The following ZNF804A variants were observed in gnomAD, a reference collection of about 807,000 sequenced individuals.
The protein encoded by ZNF804A is zinc finger protein 804A.
Under a neutral mutation model 16.5 loss-of-function variants are expected in ZNF804A, and 2 were observed. The observed-to-expected ratio is 0.12, with a 90% CI of 0.05 to 0.38. The LOEUF (loss-of-function observed/expected upper bound fraction) is 0.38, where lower values mean the gene tolerates loss of function less well. Ranked by LOEUF, ZNF804A falls within the 10% of genes least tolerant of loss-of-function variation. The pLI is 0.99. For synonymous variants in ZNF804A, 534 were observed against 489.6 expected (o/e 1.09, Z -1.20); for missense variants, 1,473 against 1,390.7 (o/e 1.06, Z -0.94).
chr2:184,867,977 T>C (rs962034567), intron 2 of ZNF804A, among the ~76,000 whole-genome samples: 1 of 152,118 alleles, frequency 6.6e-6, no homozygotes, highest in African/African-American at 2.4e-5. Context: ...CATTTAGCCA[T>C]ATGGCTGTCT....
rs746908406 is a variant in ZNF804A at position 184,937,178 on chromosome 2, A to C, written c.1782A>C (p.Arg594Ser). 1.3e-6 allele frequency: 2 copies of C among 1,597,616 alleles called. No homozygotes were observed. The highest frequency in any genetic ancestry group is 8.5e-7 in the Non-Finnish European group (1 of 1,176,234). Reference sequence around the variant, plus strand: ...ATGAATACTGGTTCCATAAAAGTAGAAGAAAGAAAAAAAGAAAAAAGTTAT... The same window carrying C: ...ATGAATACTGGTTCCATAAAAGTAGCAGAAAGAAAAAAAGAAAAAAGTTAT... The part of the protein sequence containing the change: ...ETHEYWFHKS[R>S]RKKKRKKLCQ... The change falls in exon 4 of 4, where the codon AGA becomes AGC. Residue 594 changes from arginine (R) to serine (S), a missense_variant. Physicochemically the swap from Arg to Ser is moderately radical, Grantham distance 110 (BLOSUM62 -1). Coordinates refer to ENST00000302277, the MANE Select transcript of ZNF804A (RefSeq NM_194250.2).
chr2:184,880,338 A>G (rs1022712822), intron 2 of ZNF804A, among the ~76,000 whole-genome samples: 1 of 152,078 alleles, frequency 6.6e-6, no homozygotes, highest in Non-Finnish European at 1.5e-5. Context: ...AGCTTTTTTT[A>G]TTACAATAAA....
At chr2:184,867,418 G>C (rs995126200) in intron 2 of ZNF804A, among the ~76,000 whole-genome samples, 1 of 152,024 alleles carries the variant, frequency 6.6e-6, no homozygotes, top group Non-Finnish European at 1.5e-5. Context: ...TTTATTGTAA[G>C]AAAGAAAAAG....
intron 1 of ZNF804A, among the ~76,000 whole-genome samples, chr2:184,791,514 A>AT (rs1290964906): frequency 4.0e-5 from 6 of 151,764 alleles, no homozygotes; most frequent in Non-Finnish European, 5.9e-5. Context: ...TTTGTTTTTT[A>AT]TTTTTTTTAT....
intron 1 of ZNF804A, among the ~76,000 whole-genome samples, chr2:184,860,148 C>T (rs1408385643): frequency 6.6e-6 from 1 of 152,162 alleles, no homozygotes; most frequent in East Asian, 1.9e-4. Context: ...TGGGCCTTGG[C>T]CTTGGGTCCT....
intron 1 of ZNF804A, among the ~76,000 whole-genome samples, chr2:184,823,789 T>G (rs902950051): frequency 6.6e-6 from 1 of 152,130 alleles, no homozygotes; most frequent in Non-Finnish European, 1.5e-5. Context: ...AGAATTCCTC[T>G]TGTGAGATAA....
chr2:184,802,664 G>C (rs1192304167), intron 1 of ZNF804A, among the ~76,000 whole-genome samples: 1 of 152,186 alleles, frequency 6.6e-6, no homozygotes, highest in Non-Finnish European at 1.5e-5. Flanking sequence ...TCTCTGATGA[G>C]TGCAAGGGAA....
chr2:184,632,278 A>C (rs1162256740), intron 1 of ZNF804A, among the ~76,000 whole-genome samples: 2 of 152,168 alleles, frequency 1.3e-5, no homozygotes, highest in East Asian at 1.9e-4. Flanking sequence ...ATATTATTTT[A>C]TGTTTTCAAT....
chr2:184,627,785 A>T (rs1691529457), intron 1 of ZNF804A, among the ~76,000 whole-genome samples: 1 of 152,172 alleles, frequency 6.6e-6, no homozygotes. Context: ...GAAGCTCTTC[A>T]AGTTAATATC....
Position 184,651,917 on chromosome 2 carries a change from C to T in ZNF804A, c.111+52847C>T, listed in dbSNP as rs116251934. 1.7e-3 allele frequency among the ~76,000 whole-genome samples: 256 copies of T among 152,058 alleles called. 2 individuals carry two copies. Among genetic ancestry groups the T allele is most frequent in the African/African-American group, 5.6e-3 (233 of 41,500 alleles). ...CAGAAGTTATAACAGAGCTACGGTT[C>T]GACTCAGCAATCTCATTACTGGATG... On this transcript the variant is annotated intron_variant, in intron 1 of 3. Coordinates refer to ENST00000302277, the MANE Select transcript of ZNF804A (RefSeq NM_194250.2).
At chr2:184,830,658 G>A (rs538642713) in intron 1 of ZNF804A, among the ~76,000 whole-genome samples, 1 of 152,172 alleles carries the variant, frequency 6.6e-6, no homozygotes, top group Admixed American at 6.6e-5. Context: ...CATGAGTGGG[G>A]AATTGGATTT....
chr2:184,751,734 T>C (rs984808218), intron 1 of ZNF804A, among the ~76,000 whole-genome samples: 1 of 151,376 alleles, frequency 6.6e-6, no homozygotes, highest in Non-Finnish European at 1.5e-5. Flanking sequence ...TTATGCCTCT[T>C]ACAAAGGACT....
intron 1 of ZNF804A, among the ~76,000 whole-genome samples, chr2:184,820,414 C>T (rs535460809): frequency 1.2e-4 from 18 of 151,978 alleles, no homozygotes; most frequent in Admixed American, 2.0e-4. Context: ...AAGGAATATA[C>T]CTCAAAATAA....
intron 1 of ZNF804A, among the ~76,000 whole-genome samples, chr2:184,694,224 C>T (rs1226793715): frequency 6.6e-6 from 1 of 151,870 alleles, no homozygotes; most frequent in Non-Finnish European, 1.5e-5. Flanking sequence ...GCTGGGATTA[C>T]AGGCATGAGC....
intron 1 of ZNF804A, among the ~76,000 whole-genome samples, chr2:184,782,931 A>G (rs1463697506): frequency 6.6e-6 from 1 of 150,606 alleles, no homozygotes; most frequent in Non-Finnish European, 1.5e-5. Context: ...TTGTGTTTCA[A>G]ACTTCTTCAG....
intron 1 of ZNF804A, among the ~76,000 whole-genome samples, chr2:184,672,227 A>G (rs1401189362): frequency 1.3e-5 from 2 of 152,346 alleles, no homozygotes; most frequent in East Asian, 1.9e-4. Flanking sequence ...TGCTTATTGC[A>G]TATGTTTTAT....
At position 184,601,074 on chromosome 2, in the gene ZNF804A, C is replaced by T. The variant is rs184394116; in HGVS notation, c.111+2004C>T. ...CTAGTCCTTCCAGATGATTTTAAAA[C>T]GGCCCAAGTTTGTATTTCCTGTGTA... On this transcript the variant is annotated intron_variant, in intron 1 of 3. Transcript: ENST00000302277. Among the ~76,000 whole-genome samples, 175 of 152,132 alleles carry T rather than the reference C, an allele frequency of 1.2e-3. 2 individuals are homozygous for T. Among genetic ancestry groups the T allele is most frequent in the Admixed American group, 4.1e-3 (62 of 15,290 alleles).
chr2:184,705,790 C>T (rs756319982), intron 1 of ZNF804A, among the ~76,000 whole-genome samples: 1 of 152,134 alleles, frequency 6.6e-6, no homozygotes. Context: ...ATTTCATGTG[C>T]TGGGGTGGTA....
chr2:184,889,102 A>G (rs1400624546), intron 2 of ZNF804A, among the ~76,000 whole-genome samples: 1 of 151,956 alleles, frequency 6.6e-6, no homozygotes, highest in Non-Finnish European at 1.5e-5. Flanking sequence ...GTTTTTGCAA[A>G]ATTTGTTTAA....
Sources: gnomAD v4.1 joint callset for allele counts (sites outside exome capture counted in the v4.1 genomes callset) on GRCh38, gnomAD v4.1.1 for gene constraint, MANE v1.5 for transcripts, NCBI Gene and HGNC (gene_info 2026-07-23, HGNC 2026-07-21) for gene names.